Variants in SWAP70 observed in about 807,000 individuals in gnomAD.
SWAP70 encodes the protein switch-associated protein 70.
Under a neutral mutation model 80.2 loss-of-function variants are expected in SWAP70, and 34 were observed. That is an observed-to-expected ratio of 0.42 (90% CI 0.32 to 0.56). The LOEUF (loss-of-function observed/expected upper bound fraction) is 0.56, where lower values mean the gene tolerates loss of function less well. Among genes scored for constraint, SWAP70 ranks in the 20% least tolerant of loss-of-function variants. The pLI is 0.09. For missense variants in SWAP70, 578 were observed against 690.7 expected, an observed-to-expected ratio of 0.84 and a Z score of 1.83; for synonymous variants, 239 against 238.5, an observed-to-expected ratio of 1.00 and a Z score of -0.02.
intron 1 of SWAP70, 23 bp downstream of exon 1, chr11:9,664,301 C>A: frequency 1.3e-6 from 2 of 1,546,010 alleles, no homozygotes; most frequent in Non-Finnish European, 1.7e-6. Context: ...TGACCCGGCC[C>A]CCCACCCGAC....
chr11:9,721,744 A>G (rs184345687), intron 3 of SWAP70, among the ~76,000 whole-genome samples: 202 of 152,280 alleles, frequency 1.3e-3, no homozygotes, highest in African/African-American at 4.4e-3. Context: ...AAGGGATTAC[A>G]GGCTTGAGCC....
At chr11:9,688,767 A>G (rs543584062) in intron 1 of SWAP70, among the ~76,000 whole-genome samples, 1 of 152,204 alleles carries the variant, frequency 6.6e-6, no homozygotes, top group East Asian at 1.9e-4. Context: ...GAGGCTGGTT[A>G]GATTAAAGGT....
chr11:9,727,395 AT>A (rs1204479134), intron 4 of SWAP70, among the ~76,000 whole-genome samples: 6 of 150,116 alleles, frequency 4.0e-5, no homozygotes, highest in South Asian at 2.1e-4. Context: ...CTAAAAAAAA[AT>A]TTTTTTTTTG....
intron 7 of SWAP70, among the ~76,000 whole-genome samples, chr11:9,732,958 A>G (rs1851319719): frequency 6.6e-6 from 1 of 152,178 alleles, no homozygotes; most frequent in Non-Finnish European, 1.5e-5. Flanking sequence ...TTAAATAATA[A>G]TGAGCACAGT....
chr11:9,694,182 C>A lies in SWAP70; in HGVS notation c.136C>A (p.Pro46Thr). The A allele has an allele frequency of 6.2e-7, 1 of 1,612,736 alleles. No individual in the cohort carries two copies. The highest frequency in any genetic ancestry group is 1.3e-5 in the African/African-American group (1 of 74,964). ...SHNLCTVLKV[P>T]HDPVALEEHF... ...TAACCTGTGCACGGTGCTGAAGGTT[C>A]CTCATGACCCAGTTGCCCTTGAAGA... is the stretch of plus-strand genomic sequence containing the variant. Residue 46 changes from proline to threonine, a missense_variant, in exon 2 of 12, where the codon CCT becomes ACT. By Grantham distance (38) the Pro-to-Thr change is conservative. Coordinates refer to ENST00000318950, the MANE Select transcript of SWAP70 (RefSeq NM_015055.4).
intron 7 of SWAP70, among the ~76,000 whole-genome samples, chr11:9,735,282 A>G (rs1253882851): frequency 6.6e-6 from 1 of 152,176 alleles, no homozygotes; most frequent in Non-Finnish European, 1.5e-5. Flanking sequence ...TTCTGCCTCC[A>G]GTTTATTTCA....
intron 1 of SWAP70, among the ~76,000 whole-genome samples, chr11:9,671,501 AATATATATAAAT>A (rs1354250151): frequency 9.4e-5 from 8 of 84,838 alleles, no homozygotes; most frequent in African/African-American, 2.7e-4. Context: ...TATATATATA[AATATATATAAAT>A]ATATATATAA....
At position 9,664,203 on chromosome 11, in the gene SWAP70, G is replaced by A. The variant is rs769469975; in HGVS notation, c.24G>A (p.Leu8=). ...CCATGGGGAGCTTGAAGGAGGAGCT[G>A]CTCAAAGCCATCTGGCACGCCTTCA... MGSLKEE[L]LKAIWHAFTA... The change falls in exon 1 of 12, where the codon CTG becomes CTA. Residue 8 remains leucine (L), a synonymous_variant. Transcript: ENST00000318950. 1.3e-6 allele frequency: 2 copies of A among 1,589,322 alleles called. No individual in the cohort carries two copies. The highest frequency in any genetic ancestry group is 2.7e-5 in the African/African-American group (2 of 74,218).
At chr11:9,710,311 C>T (rs1057447674) in intron 2 of SWAP70, among the ~76,000 whole-genome samples, 2 of 151,964 alleles carry the variant, frequency 1.3e-5, no homozygotes, top group Non-Finnish European at 2.9e-5. Context: ...AGTGATAAGG[C>T]AAAAAAGAAA....
rs1377672527 is a variant in SWAP70 at position 9,747,992 on chromosome 11, A to C, written c.1490A>C (p.Gln497Pro). 1 of 1,614,034 alleles carries C rather than the reference A, an allele frequency of 6.2e-7. No homozygotes were observed. The highest frequency in any genetic ancestry group is 8.5e-7 in the Non-Finnish European group (1 of 1,179,986). Residue 497 changes from glutamine (Q) to proline (P), a missense_variant, in exon 10 of 12, where the codon CAG (glutamine) becomes CCG (proline). Gln to Pro is a moderately conservative substitution (Grantham distance 76). Transcript: ENST00000318950. Reference sequence around the variant, plus strand: ...CGTGTCCTGAAGGAACAGGCCCTGCAGGAGGCCATGGAGCAGCTGGAGCAG... The same window carrying C: ...CGTGTCCTGAAGGAACAGGCCCTGCCGGAGGCCATGGAGCAGCTGGAGCAG... ...NQRVLKEQAL[Q>P]EAMEQLEQLE...
chr11:9,672,530 ATTTTTTTTTTTTT>A lies in SWAP70; in HGVS notation c.99+8264_99+8276del, dbSNP rs58704706. On this transcript the variant is annotated intron_variant, in intron 1 of 11. Coordinates refer to ENST00000318950, the MANE Select transcript of SWAP70 (RefSeq NM_015055.4). ...GGGTGTATGCCACCACACCTGGCTA[ATTTTTTTTTTTTT>A]TTTTTTTTTTTGTAGAGACAGGGTC... 6.4e-3 allele frequency among the ~76,000 whole-genome samples: 570 copies of A among 88,424 alleles called. 5 individuals are homozygous for A. Among genetic ancestry groups the A allele is most frequent in the African/African-American group, 0.027 (546 of 20,472 alleles). 58.0% of individuals were successfully genotyped at this position (88,424 alleles called of 152,430 possible).
intron 6 of SWAP70, 95 bp downstream of exon 6, chr11:9,729,546 T>G: frequency 8.3e-6 from 7 of 847,692 alleles, no homozygotes; most frequent in Non-Finnish European, 1.3e-5. Context: ...TTGCCCGGGC[T>G]GTAGTGCAGT....
At chr11:9,708,952 A>G (rs1850958581) in intron 2 of SWAP70, among the ~76,000 whole-genome samples, 2 of 152,150 alleles carry the variant, frequency 1.3e-5, no homozygotes, top group African/African-American at 2.4e-5. Flanking sequence ...CTAGAGTGTG[A>G]ATTTGTACAG....
intron 3 of SWAP70, among the ~76,000 whole-genome samples, chr11:9,721,582 C>A (rs769866986): frequency 1.3e-5 from 2 of 151,636 alleles, no homozygotes; most frequent in Non-Finnish European, 2.9e-5. Flanking sequence ...AGCAGTCTTC[C>A]CTGTTTAGCC....
intron 9 of SWAP70, among the ~76,000 whole-genome samples, chr11:9,745,471 AC>A (rs1254374266): frequency 6.6e-6 from 1 of 152,274 alleles, no homozygotes; most frequent in Admixed American, 6.5e-5. Flanking sequence ...TATCAAAAGA[AC>A]AAGTACAGGA....
At position 9,708,908 on chromosome 11, in the gene SWAP70, G is replaced by A. The variant is rs568320127; in HGVS notation, c.241-4558G>A. Among the ~76,000 whole-genome samples the A allele has an allele frequency of 3.9e-5, 6 of 152,206 alleles. No individual in the cohort carries two copies. In the South Asian group the frequency reaches 1.0e-3, roughly 26 times the overall value. On this transcript the variant is annotated intron_variant, in intron 2 of 11. Transcript: ENST00000318950. ...CAGTTTGGTATGGTGGGAAGAGCTAGCATTTGAGACAGAGTTGCGCTCTGT... is the reference window on the plus strand; with the variant it reads ...CAGTTTGGTATGGTGGGAAGAGCTAACATTTGAGACAGAGTTGCGCTCTGT...
chr11:9,672,492 T>G (rs1158999501), intron 1 of SWAP70, among the ~76,000 whole-genome samples: 1 of 149,732 alleles, frequency 6.7e-6, no homozygotes, highest in Non-Finnish European at 1.5e-5. Flanking sequence ...GCCTCCTGAG[T>G]AGCTGGGACT....
At chr11:9,676,077 T>G (rs559252630) in intron 1 of SWAP70, among the ~76,000 whole-genome samples, 1 of 152,354 alleles carries the variant, frequency 6.6e-6, no homozygotes, top group East Asian at 1.9e-4. Flanking sequence ...AATAGGCTAA[T>G]AGTGGGGAAA....
At position 9,738,231 on chromosome 11, in the gene SWAP70, T is replaced by C. The variant is rs766017333; in HGVS notation, c.1099T>C (p.Ser367Pro). 4.4e-6 allele frequency: 7 copies of C among 1,609,180 alleles called. No individual in the cohort carries two copies. Among genetic ancestry groups the C allele is most frequent in the Non-Finnish European group, 5.9e-6 (7 of 1,177,764 alleles). ...TGGCTAGAAACTGGAGGAAGCAGCA[T>C]CTCGTGCAGCAGAAGAGGAAAAGAA... ...AVRKKLEEAA[S>P]RAAEEEKKRL... The change falls in exon 8 of 12, where the codon TCT (serine) becomes CCT (proline). Residue 367 changes from serine (S) to proline (P), a missense_variant. By Grantham distance (74) the Ser-to-Pro change is moderately conservative. Coordinates refer to ENST00000318950, the MANE Select transcript of SWAP70 (RefSeq NM_015055.4).
Sources: gnomAD v4.1 joint callset for allele counts (sites outside exome capture counted in the v4.1 genomes callset) on GRCh38, gnomAD v4.1.1 for gene constraint, MANE v1.5 for transcripts, NCBI Gene and HGNC (gene_info 2026-07-23, HGNC 2026-07-21) for gene names.